PITPNA: variants seen among roughly 807,000 people sequenced by gnomAD.
PITPNA encodes the protein phosphatidylinositol transfer protein alpha, also known as phosphatidylinositol transfer protein alpha isoform.
In PITPNA, 13 loss-of-function variants were observed where a neutral mutation model predicts 50.3. That is an observed-to-expected ratio of 0.26 (90% CI 0.17 to 0.41). PITPNA has a LOEUF of 0.41. Ranked by LOEUF, PITPNA falls within the 10% of genes least tolerant of loss-of-function variation. The pLI is 1.00. For missense variants in PITPNA, 207 were observed against 333.4 expected (o/e 0.62, Z 2.95); for synonymous variants, 120 against 119.6 (o/e 1.00, Z -0.02).
chr17:1,534,274 C>T lies in PITPNA; in HGVS notation c.646-53G>A, dbSNP rs920219681. The T allele has an allele frequency of 3.7e-6, 6 of 1,609,586 alleles. No individual in the cohort carries two copies. In the African/African-American group the frequency reaches 6.7e-5, roughly 18 times the overall value. On this transcript the variant is annotated intron_variant, in intron 9 of 11. Coordinates refer to ENST00000313486, the MANE Select transcript of PITPNA (RefSeq NM_006224.4). The stretch of plus-strand genomic sequence containing the variant: ...ACGCAGAAGGCAAAGGCTGCTGCCA[C>T]AGCCCTTCTCTCCATGCACTCCACA...
At chr17:1,521,123 G>A (rs997441663) in intron 11 of PITPNA, among the ~76,000 whole-genome samples, 6 of 152,216 alleles carry the variant, frequency 3.9e-5, no homozygotes, top group Non-Finnish European at 5.9e-5. Context: ...GGGATCGGGG[G>A]TATAAAGAAG....
chr17:1,541,448 A>ATCTTGC, intron 6 of PITPNA, 118 bp downstream of exon 6: 1 of 750,540 alleles, frequency 1.3e-6, no homozygotes, highest in Non-Finnish European at 2.4e-6. Flanking sequence ...GGCAGAGGCC[A>ATCTTGC]CTGCCTTCCC....
chr17:1,530,533 T>C, intron 10 of PITPNA, among the ~76,000 whole-genome samples: 1 of 152,180 alleles, frequency 6.6e-6, no homozygotes, highest in East Asian at 1.9e-4. Context: ...ACTGTGGCCT[T>C]GCAGTGACCC....
intron 10 of PITPNA, among the ~76,000 whole-genome samples, chr17:1,524,868 G>C (rs1225284034): frequency 3.3e-5 from 5 of 151,896 alleles, no homozygotes; most frequent in African/African-American, 1.2e-4. Context: ...AAAAAAAGAG[G>C]TTTTCGTGTA....
At chr17:1,558,677 G>C in intron 1 of PITPNA, 118 bp from the exon 2 acceptor site, 1 of 727,270 alleles carries the variant, frequency 1.4e-6, no homozygotes. Context: ...TAAATTCAGT[G>C]ACGAAAACCC....
Position 1,552,997 on chromosome 17 carries a change from C to G in PITPNA, c.197+7G>C, listed in dbSNP as rs566053177. The G allele has an allele frequency of 1.2e-6, 2 of 1,613,836 alleles. No individual in the cohort carries two copies. On this transcript the variant is annotated splice_region_variant and intron_variant, in intron 3 of 11. Transcript: ENST00000313486. ...CAGCATCCGGCCCCGCTGCTCATGC[C>G]GCATACCTCTGCAGGTGGTAGATCT...
At chr17:1,527,559 T>C (rs560697734) in intron 10 of PITPNA, among the ~76,000 whole-genome samples, 1 of 152,284 alleles carries the variant, frequency 6.6e-6, no homozygotes, top group African/African-American at 2.4e-5. Context: ...GTTTTTGTTT[T>C]TAACAGTGGT....
chr17:1,540,590 T>C (rs900107227), intron 6 of PITPNA, among the ~76,000 whole-genome samples: 5 of 150,112 alleles, frequency 3.3e-5, no homozygotes, highest in Non-Finnish European at 6.0e-5. Context: ...GCCTTTTTTT[T>C]CTCTTTTTTT....
At chr17:1,550,866 C>T (rs530948084) in intron 3 of PITPNA, among the ~76,000 whole-genome samples, 11 of 152,298 alleles carry the variant, frequency 7.2e-5, no homozygotes, top group Admixed American at 7.2e-4. Context: ...TGAAGCGGTG[C>T]GGAGAACTGA....
At chr17:1,558,086 C>T (rs2151014831) in intron 2 of PITPNA, among the ~76,000 whole-genome samples, 1 of 152,166 alleles carries the variant, frequency 6.6e-6, no homozygotes, top group African/African-American at 2.4e-5. Flanking sequence ...TAAAAATTAG[C>T]CGGGTGTGGT....
chr17:1,520,856 A>G (rs542577002), intron 11 of PITPNA, among the ~76,000 whole-genome samples: 41 of 152,168 alleles, frequency 2.7e-4, no homozygotes, highest in African/African-American at 9.2e-4. Flanking sequence ...TGTAAAAATA[A>G]TTTTCTCTCT....
At chr17:1,541,791 C>A (rs1202065598) in intron 5 of PITPNA, 151 bp from the exon 6 acceptor site, 1 of 710,964 alleles carries the variant, frequency 1.4e-6, no homozygotes, top group Non-Finnish European at 2.6e-6. Context: ...ACTGGGAGCC[C>A]ACGACACACT....
intron 2 of PITPNA, 27 bp from the exon 3 acceptor site, chr17:1,553,176 T>A (rs2075718340): frequency 6.2e-7 from 1 of 1,612,984 alleles, no homozygotes; most frequent in South Asian, 1.1e-5. Flanking sequence ...GATGTTATTC[T>A]CAACACGGAC....
At chr17:1,539,093 C>A (rs574601573) in intron 6 of PITPNA, 141 bp from the exon 7 acceptor site, 10 of 600,050 alleles carry the variant, frequency 1.7e-5, no homozygotes, top group Non-Finnish European at 2.7e-5. Flanking sequence ...CAATTACATA[C>A]AAAATTATCC....
In PITPNA at chr17:1,520,263, C is replaced by G. The variant is rs537284327; in HGVS notation, c.*298G>C. 1.3e-5 allele frequency: 2 copies of G among 152,538 alleles called. No individual in the cohort carries two copies. Among genetic ancestry groups the G allele is most frequent in the East Asian group, 1.9e-4 (1 of 5,160 alleles). The allele number at this position is 152,538 out of a possible 1,614,324, so 9.4% of individuals were successfully genotyped here. A position where few individuals can be genotyped will look rare whatever the true frequency, so the allele number is the denominator to read the frequency against. ...TGGAAATAAAGGTTGGGGGAACACA[C>G]AGAAATGGATCGGAACACAATGGAG... On this transcript the variant is annotated 3_prime_UTR_variant, in exon 12 of 12. Coordinates refer to ENST00000313486, the MANE Select transcript of PITPNA (RefSeq NM_006224.4).
chr17:1,526,887 C>T (rs567138783), intron 10 of PITPNA, among the ~76,000 whole-genome samples: 1 of 152,298 alleles, frequency 6.6e-6, no homozygotes, highest in East Asian at 1.9e-4. Flanking sequence ...GTCTCAGCCT[C>T]CTAAGTAGCT....
chr17:1,551,836 G>A (rs576147146), intron 3 of PITPNA, among the ~76,000 whole-genome samples: 2 of 152,296 alleles, frequency 1.3e-5, no homozygotes, highest in African/African-American at 2.4e-5. Flanking sequence ...TGCTCTCCTC[G>A]CACCCCGGCA....
chr17:1,557,728 A>G (rs2075742537), intron 2 of PITPNA, among the ~76,000 whole-genome samples: 1 of 152,214 alleles, frequency 6.6e-6, no homozygotes, highest in Admixed American at 6.5e-5. Flanking sequence ...GTAAAAGGAC[A>G]GAGGACAAGC....
chr17:1,549,885 G>C (rs189110750), intron 3 of PITPNA, among the ~76,000 whole-genome samples: 4 of 152,044 alleles, frequency 2.6e-5, no homozygotes, highest in African/African-American at 9.6e-5. Flanking sequence ...ATGTAGGCCA[G>C]GCTGGTCTCG....
Sources: allele counts gnomAD v4.1 joint callset (sites outside exome capture counted in the v4.1 genomes callset), GRCh38; gene constraint gnomAD v4.1.1; transcripts MANE v1.5; gene names NCBI Gene and HGNC (gene_info 2026-07-23, HGNC 2026-07-21).